Variants in NLGN1 observed in about 807,000 individuals in gnomAD.
The protein encoded by NLGN1 is neuroligin-1.
In NLGN1, 12 loss-of-function variants were observed where a neutral mutation model predicts 65.5. That is an observed-to-expected ratio of 0.18 (90% confidence interval 0.12 to 0.30). The LOEUF is 0.30. Among genes scored for constraint, NLGN1 ranks in the 10% least tolerant of loss-of-function variants. The pLI is 1.00. For missense variants in NLGN1, 750 were observed against 1,007.1 expected, an observed-to-expected ratio of 0.74 and a Z score of 3.46; for synonymous variants, 350 against 359.5, an observed-to-expected ratio of 0.97 and a Z score of 0.30.
intron 3 of NLGN1, among the ~76,000 whole-genome samples, chr3:173,658,175 T>C (rs1760370457): frequency 6.6e-6 from 1 of 151,988 alleles, no homozygotes; most frequent in South Asian, 2.1e-4. Context: ...AGGCACCCCA[T>C]ATAAAACTAT....
At chr3:173,407,708 G>A (rs1711558782) in intron 1 of NLGN1, among the ~76,000 whole-genome samples, 1 of 152,116 alleles carries the variant, frequency 6.6e-6, no homozygotes, top group African/African-American at 2.4e-5. Flanking sequence ...GGCAGCAGGG[G>A]CAGTTGGCCA....
At chr3:173,406,560 C>G (rs968785971) in intron 1 of NLGN1, among the ~76,000 whole-genome samples, 17 of 146,692 alleles carry the variant, frequency 1.2e-4, no homozygotes, top group Middle Eastern at 3.7e-3. Flanking sequence ...AATATATATT[C>G]ATATATATTG....
At chr3:173,552,769 G>A (rs934781399) in intron 2 of NLGN1, among the ~76,000 whole-genome samples, 2 of 152,138 alleles carry the variant, frequency 1.3e-5, no homozygotes, top group Non-Finnish European at 2.9e-5. Context: ...TTGCCAGGGA[G>A]CCCTTCCCAC....
intron 4 of NLGN1, among the ~76,000 whole-genome samples, chr3:173,986,104 T>A (rs1719838257): frequency 6.6e-6 from 1 of 152,216 alleles, no homozygotes; most frequent in Admixed American, 6.5e-5. Flanking sequence ...ATGTAATTAG[T>A]TAAGTCGACA....
At chr3:174,124,866 C>A (rs1718609751) in intron 4 of NLGN1, among the ~76,000 whole-genome samples, 1 of 151,982 alleles carries the variant, frequency 6.6e-6, no homozygotes, top group South Asian at 2.1e-4. Flanking sequence ...TTCCTGGAAT[C>A]TTTTCTGAGA....
intron 2 of NLGN1, among the ~76,000 whole-genome samples, chr3:173,588,957 C>A (rs13315163): frequency 6.6e-6 from 1 of 151,978 alleles, no homozygotes; most frequent in Non-Finnish European, 1.5e-5. Flanking sequence ...TATTAGGGAC[C>A]GCTAAAGGAA....
At chr3:173,452,330 G>A (rs1016824607) in intron 2 of NLGN1, among the ~76,000 whole-genome samples, 1 of 151,976 alleles carries the variant, frequency 6.6e-6, no homozygotes, top group Non-Finnish European at 1.5e-5. Context: ...GACTACAGGT[G>A]CCCGCCACCA....
intron 3 of NLGN1, among the ~76,000 whole-genome samples, chr3:173,800,043 A>AT (rs1715101234): frequency 1.4e-5 from 2 of 139,020 alleles, no homozygotes; most frequent in Admixed American, 1.4e-4. Flanking sequence ...TCATGACTTG[A>AT]TTTTCAAGCC....
At chr3:173,542,640 T>C (rs1169107489) in intron 2 of NLGN1, among the ~76,000 whole-genome samples, 1 of 152,104 alleles carries the variant, frequency 6.6e-6, no homozygotes, top group South Asian at 2.1e-4. Flanking sequence ...TTTTTTGTTT[T>C]GTTTTGTTTC....
At chr3:174,019,161 A>G (rs936597866) in intron 4 of NLGN1, among the ~76,000 whole-genome samples, 1 of 152,214 alleles carries the variant, frequency 6.6e-6, no homozygotes, top group Admixed American at 6.5e-5. Context: ...GATATACTAC[A>G]TAAGTGGCTT....
exon 3 of NLGN1, chr3:173,604,669 G>T (rs763059049): frequency 1.2e-6 from 2 of 1,613,720 alleles, no homozygotes; most frequent in Admixed American, 1.7e-5. Context: ...GTACACCGGG[G>T]ATTGGGTGCC....
intron 4 of NLGN1, among the ~76,000 whole-genome samples, chr3:173,922,950 T>C (rs1438577265): frequency 6.6e-6 from 1 of 152,154 alleles, no homozygotes; most frequent in Admixed American, 6.6e-5. Context: ...GAGATTTGAA[T>C]AAGTTAATGC....
intron 4 of NLGN1, among the ~76,000 whole-genome samples, chr3:174,208,243 A>T (rs989713691): frequency 8.5e-5 from 13 of 152,174 alleles, no homozygotes; most frequent in African/African-American, 3.1e-4. Flanking sequence ...GGAGGTAGGG[A>T]GATATGGTTG....
At chr3:174,156,504 T>C (rs1725463465) in intron 4 of NLGN1, among the ~76,000 whole-genome samples, 1 of 151,914 alleles carries the variant, frequency 6.6e-6, no homozygotes, top group African/African-American at 2.4e-5. Context: ...TGACTCTGTA[T>C]AACTAGTCAT....
chr3:173,805,196 G>A (rs1474376372), intron 3 of NLGN1, among the ~76,000 whole-genome samples: 2 of 152,044 alleles, frequency 1.3e-5, no homozygotes, highest in African/African-American at 4.8e-5. Flanking sequence ...ACCTGTTTTA[G>A]TAAGTATCAT....
At chr3:173,867,018 A>T (rs1056461315) in intron 4 of NLGN1, among the ~76,000 whole-genome samples, 7 of 152,186 alleles carry the variant, frequency 4.6e-5, no homozygotes, top group Non-Finnish European at 1.5e-5. Flanking sequence ...AACAGCCATA[A>T]ACGGCATAGT....
intron 4 of NLGN1, among the ~76,000 whole-genome samples, chr3:174,248,497 C>T (rs376331868): frequency 2.4e-4 from 37 of 152,288 alleles, no homozygotes; most frequent in South Asian, 2.3e-3. Flanking sequence ...CGGTGGCTCA[C>T]GCCTGTAATC....
At chr3:174,238,325 AT>A (rs35613869) in intron 4 of NLGN1, among the ~76,000 whole-genome samples, 47,643 of 148,088 alleles carry the variant, frequency 0.32, 8,075 homozygotes, top group East Asian at 0.53. Flanking sequence ...TTTCTTTTTT[AT>A]TTTTTTTTAT....
At chr3:174,281,398 A>G (rs1751521511) in exon 7 of NLGN1, 6 of 753,682 alleles carry the variant, frequency 8.0e-6, no homozygotes, top group Non-Finnish European at 1.3e-5. Flanking sequence ...TACTATTTAA[A>G]TAAGGAGGAA....
Sources: gnomAD v4.1 joint callset for allele counts (sites outside exome capture counted in the v4.1 genomes callset) on GRCh38, gnomAD v4.1.1 for gene constraint, MANE v1.5 for transcripts, NCBI Gene and HGNC (gene_info 2026-07-23, HGNC 2026-07-21) for gene names.